Variants in NRG3 observed in about 807,000 individuals in gnomAD.
The protein encoded by NRG3 is pro-neuregulin-3, membrane-bound isoform.
A neutral mutation model predicts 66.9 loss-of-function variants in NRG3; 31 were observed. The observed-to-expected ratio is 0.46, with a 90% CI of 0.35 to 0.63. The LOEUF is 0.63. Ranked by LOEUF, NRG3 falls within the 20% of genes least tolerant of loss-of-function variation. The pLI, the probability that NRG3 is intolerant of heterozygous loss-of-function variation, is 0.00. For synonymous variants in NRG3, 393 were observed against 359.4 expected (o/e 1.09, Z -1.06); for missense variants, 910 against 878.9 (o/e 1.04, Z -0.45).
chr10:82,482,690 A>G (rs922113173), intron 2 of NRG3, among the ~76,000 whole-genome samples: 2 of 152,186 alleles, frequency 1.3e-5, no homozygotes, highest in Non-Finnish European at 2.9e-5. Context: ...CCAGCCGCCT[A>G]TTATAACCAG....
chr10:82,472,411 G>T (rs565171168), intron 2 of NRG3, among the ~76,000 whole-genome samples: 4 of 152,314 alleles, frequency 2.6e-5, no homozygotes, highest in South Asian at 2.1e-4. Flanking sequence ...CCTTTGATTG[G>T]TGTTTTTGAA....
At chr10:82,578,036 A>G (rs1268585813) in intron 2 of NRG3, among the ~76,000 whole-genome samples, 1 of 151,496 alleles carries the variant, frequency 6.6e-6, no homozygotes, top group Non-Finnish European at 1.5e-5. Context: ...TACCAGCAAA[A>G]CACAGACAAA....
chr10:81,905,805 T>C (rs1201849208), intron 1 of NRG3, among the ~76,000 whole-genome samples: 1 of 152,230 alleles, frequency 6.6e-6, no homozygotes, highest in Non-Finnish European at 1.5e-5. Context: ...CATTCTATTC[T>C]GCTCTACCCT....
intron 1 of NRG3, among the ~76,000 whole-genome samples, chr10:81,879,001 G>A (rs1841944006): frequency 6.6e-6 from 1 of 152,194 alleles, no homozygotes; most frequent in East Asian, 1.9e-4. Flanking sequence ...GAAAGGCCCA[G>A]TTAGAGAACT....
rs184519726 is a variant in NRG3 at position 82,366,919 on chromosome 10, G to T, written c.953+8051G>T. On this transcript the variant is annotated intron_variant, in intron 2 of 8. Coordinates refer to ENST00000372141, the MANE Select transcript of NRG3 (RefSeq NM_001010848.4). Reference sequence around the variant, plus strand: ...AATAAAAATAATCTGCTTTACGAAAGCCTACAGAAAATAATTTAAAAGGAA... The same window carrying T: ...AATAAAAATAATCTGCTTTACGAAATCCTACAGAAAATAATTTAAAAGGAA... Among the ~76,000 whole-genome samples the T allele has an allele frequency of 2.6e-5, 4 of 152,250 alleles. No individual in the cohort carries two copies. In the South Asian group the frequency reaches 8.3e-4, roughly 32 times the overall value.
At chr10:82,709,370 TTG>T (rs879352099) in intron 2 of NRG3, among the ~76,000 whole-genome samples, 33,289 of 148,332 alleles carry the variant, frequency 0.22, 3,832 homozygotes, top group Middle Eastern at 0.34. Flanking sequence ...TTTTTTGTTT[TTG>T]TTTTTTGTTT....
At chr10:82,151,328 G>A (rs941059951) in intron 1 of NRG3, among the ~76,000 whole-genome samples, 28 of 152,132 alleles carry the variant, frequency 1.8e-4, no homozygotes, top group Non-Finnish European at 4.0e-4. Context: ...TGGAAATGTT[G>A]TTTTACTTTT....
chr10:82,029,344 T>A (rs2132859499), intron 1 of NRG3, among the ~76,000 whole-genome samples: 1 of 152,286 alleles, frequency 6.6e-6, no homozygotes, highest in South Asian at 2.1e-4. Context: ...ATATGCCAGT[T>A]TCCCAAAGTG....
chr10:82,527,018 A>G (rs1156879146), intron 2 of NRG3, among the ~76,000 whole-genome samples: 2 of 152,072 alleles, frequency 1.3e-5, no homozygotes, highest in Non-Finnish European at 2.9e-5. Context: ...GCAATCTCAC[A>G]TCAAGAAAAA....
intron 1 of NRG3, among the ~76,000 whole-genome samples, chr10:82,299,273 C>T (rs1382168138): frequency 6.6e-6 from 1 of 152,186 alleles, no homozygotes; most frequent in African/African-American, 2.4e-5. Flanking sequence ...GTTCTAAGCA[C>T]TTAACACATA....
In NRG3 at chr10:82,149,868, T is replaced by C. The variant is rs141921420; in HGVS notation, c.824-208871T>C. On this transcript the variant is annotated intron_variant, in intron 1 of 8. Coordinates refer to ENST00000372141, the MANE Select transcript of NRG3 (RefSeq NM_001010848.4). The stretch of plus-strand genomic sequence containing the variant: ...TTCTGACTCACTCATTAATTTTACC[T>C]TGTATTCAGTTTTCTTGGGGTGGAT... Among the ~76,000 whole-genome samples, 241 of 152,304 alleles carry C rather than the reference T, an allele frequency of 1.6e-3. 3 individuals are homozygous for C. The highest frequency in any genetic ancestry group is 5.6e-3 in the African/African-American group (232 of 41,574).
intron 1 of NRG3, among the ~76,000 whole-genome samples, chr10:82,178,853 G>T (rs1203122927): frequency 6.6e-6 from 1 of 151,940 alleles, no homozygotes; most frequent in African/African-American, 2.4e-5. Flanking sequence ...GTTCACAGGG[G>T]TTACAGTTTT....
At chr10:82,124,942 A>G (rs2068337225) in intron 1 of NRG3, among the ~76,000 whole-genome samples, 1 of 151,844 alleles carries the variant, frequency 6.6e-6, no homozygotes. Context: ...AGCACATTTT[A>G]CTCAGAAATG....
intron 3 of NRG3, among the ~76,000 whole-genome samples, chr10:82,833,845 G>A (rs964228748): frequency 6.6e-6 from 1 of 152,056 alleles, no homozygotes; most frequent in East Asian, 1.9e-4. Context: ...TGAAATTTGA[G>A]TGCATTTTTG....
At chr10:82,492,542 A>C (rs1441470022) in intron 2 of NRG3, among the ~76,000 whole-genome samples, 1 of 152,198 alleles carries the variant, frequency 6.6e-6, no homozygotes, top group Non-Finnish European at 1.5e-5. Flanking sequence ...TGTTCAAAAG[A>C]GATTGCATAG....
intron 1 of NRG3, among the ~76,000 whole-genome samples, chr10:82,114,699 A>G (rs1488992773): frequency 2.6e-5 from 4 of 152,144 alleles, no homozygotes; most frequent in Non-Finnish European, 4.4e-5. Context: ...AAAACTGACC[A>G]TTTCTAACAG....
chr10:82,978,983 A>G lies in NRG3; in HGVS notation c.1446A>G (p.Arg482=). 6.2e-7 allele frequency: 1 copy of G among 1,613,996 alleles called. No individual in the cohort carries two copies. The highest frequency in any genetic ancestry group is 8.5e-7 in the Non-Finnish European group (1 of 1,179,952). ...CCTCTTGCTGCAGCCCAGGGCAAAGAAGTGGCATGCTCCATAGGAATGCCT... is the reference window on the plus strand; with the variant it reads ...CCTCTTGCTGCAGCCCAGGGCAAAGGAGTGGCATGCTCCATAGGAATGCCT... ...SLSSCCSPGQ[R]SGMLHRNAFR... The change falls in exon 8 of 9, where the codon AGA becomes AGG. Residue 482 remains arginine, a synonymous_variant. Coordinates refer to ENST00000372141, the MANE Select transcript of NRG3 (RefSeq NM_001010848.4).
Position 82,153,204 on chromosome 10 carries a change from C to T in NRG3, c.824-205535C>T, listed in dbSNP as rs975904506. Among the ~76,000 whole-genome samples the T allele has an allele frequency of 4.6e-5, 7 of 152,128 alleles. No homozygotes were observed. In the South Asian group the frequency reaches 8.3e-4, roughly 18 times the overall value. ...ACCTTTTGGTCAACATTGCACCTTT[C>T]CCCATTCTCCCTATCAACCTCTGAT... On this transcript the variant is annotated intron_variant, in intron 1 of 8. Transcript: ENST00000372141.
intron 4 of NRG3, among the ~76,000 whole-genome samples, chr10:82,933,614 T>C (rs980994775): frequency 2.6e-5 from 4 of 152,200 alleles, no homozygotes; most frequent in African/African-American, 9.6e-5. Flanking sequence ...TAGAACAGTT[T>C]CTAATGTCAG....
Sources: gnomAD v4.1 joint callset for allele counts (sites outside exome capture counted in the v4.1 genomes callset) on GRCh38, gnomAD v4.1.1 for gene constraint, MANE v1.5 for transcripts, NCBI Gene and HGNC (gene_info 2026-07-23, HGNC 2026-07-21) for gene names.